The following PAK4 variants were observed in gnomAD, a reference collection of about 807,000 sequenced individuals.
PAK4 encodes serine/threonine-protein kinase PAK 4.
Under a neutral mutation model 53.5 loss-of-function variants are expected in PAK4, and 49 were observed. That is an observed-to-expected ratio of 0.92 (90% confidence interval 0.73 to 1.16). The LOEUF is 1.16. PAK4 is among the 50% of genes most tolerant of loss of function. The pLI is 0.00. For missense variants in PAK4, 824 were observed against 850.7 expected, an observed-to-expected ratio of 0.97 and a Z score of 0.39; for synonymous variants, 376 against 375.6, an observed-to-expected ratio of 1.00 and a Z score of -0.01.
intron 8 of PAK4, 29 bp downstream of exon 9, chr19:39,177,838 G>A: frequency 6.3e-7 from 1 of 1,586,536 alleles, no homozygotes; most frequent in Non-Finnish European, 8.6e-7. Flanking sequence ...GGGAAACTGT[G>A]CGCCAGCTGG....
At chr19:39,164,502 C>T (rs2144787888) in intron 1 of PAK4, among the ~76,000 whole-genome samples, 1 of 152,104 alleles carries the variant, frequency 6.6e-6, no homozygotes, top group South Asian at 2.1e-4. Context: ...GAGGTGGAAC[C>T]ATGTCTAGGA....
intron 1 of PAK4, among the ~76,000 whole-genome samples, chr19:39,154,995 T>G (rs2074153664): frequency 6.6e-6 from 1 of 152,160 alleles, no homozygotes; most frequent in Non-Finnish European, 1.5e-5. Context: ...CAGCCCACGT[T>G]CTGTGTGTGG....
intron 1 of PAK4, among the ~76,000 whole-genome samples, chr19:39,130,633 A>G (rs2082417): frequency 0.064 from 9,696 of 152,040 alleles, 704 homozygotes; most frequent in East Asian, 0.37. Context: ...TGCTCTGCAA[A>G]GAGCAGTTAA....
At chr19:39,165,556 T>TA (rs761595959) in intron 1 of PAK4, among the ~76,000 whole-genome samples, 1 of 124,000 alleles carries the variant, frequency 8.1e-6, no homozygotes, top group Non-Finnish European at 1.7e-5. Context: ...ATAAATAAAA[T>TA]AATAATAGAC....
chr19:39,133,704 C>T lies in PAK4; in HGVS notation c.-23+7785C>T, dbSNP rs147886743. Reference sequence around the variant, plus strand: ...GGGAGCACCGGGTGGGCAGGGTCCTCACCTAGAGAGCTCCCCGTCCCAGAC... The same window carrying T: ...GGGAGCACCGGGTGGGCAGGGTCCTTACCTAGAGAGCTCCCCGTCCCAGAC... On this transcript the variant is annotated intron_variant, in intron 1 of 8. Coordinates refer to ENST00000358301, the Ensembl canonical transcript of PAK4. Among the ~76,000 whole-genome samples the T allele has an allele frequency of 3.8e-3, 585 of 152,312 alleles. 1 individual carries two copies. The highest frequency in any genetic ancestry group is 0.01 in the Admixed American group (160 of 15,302).
intron 1 of PAK4, among the ~76,000 whole-genome samples, chr19:39,164,812 G>T (rs12972566): frequency 0.3 from 46,259 of 152,014 alleles, 7,508 homozygotes; most frequent in Middle Eastern, 0.39. Flanking sequence ...CCACTCCACC[G>T]TGGTTGAGGG....
At chr19:39,171,517 A>G (rs1049103147) in intron 2 of PAK4, among the ~76,000 whole-genome samples, 3 of 152,142 alleles carry the variant, frequency 2.0e-5, no homozygotes, top group Non-Finnish European at 4.4e-5. Context: ...GCCCTGTTCT[A>G]ACAGCAAAGT....
chr19:39,155,568 T>C (rs1419567774), intron 1 of PAK4, among the ~76,000 whole-genome samples: 2 of 152,142 alleles, frequency 1.3e-5, no homozygotes, highest in Non-Finnish European at 2.9e-5. Context: ...GGAGAAACAG[T>C]TACACCTGCG....
intron 4 of PAK4, 54 bp from the exon 6 acceptor site, chr19:39,174,877 C>T (rs2074569260): frequency 6.2e-7 from 1 of 1,608,602 alleles, no homozygotes; most frequent in African/African-American, 1.3e-5. Context: ...GTGGCTGGGT[C>T]TGGCACTGGC....
chr19:39,173,382 C>T lies in PAK4; in HGVS notation c.663+6C>T, dbSNP rs1219089222. On this transcript the variant is annotated splice_donor_region_variant and intron_variant, in intron 3 of 8. Transcript: ENST00000358301. The surrounding 1 kb of genome is among the most constrained non-coding windows in gnomAD (Gnocchi z 6.9). ...ACCCATCCCGGGGTGCCCAGGTAAC[C>T]CATCCCCCGCCCCAGGGCCCCCACT... 6.6e-7 allele frequency: 1 copy of T among 1,515,084 alleles called. No homozygotes were observed. The highest frequency in any genetic ancestry group is 2.3e-5 in the East Asian group (1 of 43,548). The allele number at this position is 1,515,084 out of a possible 1,614,324, so 93.9% of individuals were successfully genotyped here.
intron 1 of PAK4, among the ~76,000 whole-genome samples, chr19:39,154,875 G>A (rs2074151137): frequency 6.6e-6 from 1 of 152,148 alleles, no homozygotes; most frequent in Non-Finnish European, 1.5e-5. Context: ...CTGCCCTGCT[G>A]TGGTCCAGAG....
rs1306653669 is a variant in PAK4, at chr19:39,178,267, C to T, written c.1621-157C>T. Among the ~76,000 whole-genome samples the T allele has an allele frequency of 2.0e-5, 3 of 152,086 alleles. No individual in the cohort carries two copies. Among genetic ancestry groups the T allele is most frequent in the South Asian group, 2.1e-4 (1 of 4,832 alleles). On this transcript the variant is annotated intron_variant, in intron 8 of 8. Coordinates refer to ENST00000358301, the Ensembl canonical transcript of PAK4. The surrounding 1 kb of genome is among the most constrained non-coding windows in gnomAD (Gnocchi z 4.4). Reference sequence around the variant, plus strand: ...ACAGGTGCCATCACTGTCCCTGTCCCGTCTACACCCCAAGATCTAGACACC... The same window carrying T: ...ACAGGTGCCATCACTGTCCCTGTCCTGTCTACACCCCAAGATCTAGACACC...
chr19:39,141,245 A>G (rs1024908615), intron 1 of PAK4, among the ~76,000 whole-genome samples: 9 of 151,988 alleles, frequency 5.9e-5, no homozygotes, highest in African/African-American at 1.9e-4. Context: ...AACGTCGTAC[A>G]GCCAGAAATA....
intron 1 of PAK4, among the ~76,000 whole-genome samples, chr19:39,150,706 G>A (rs376314555): frequency 2.6e-5 from 4 of 152,180 alleles, no homozygotes; most frequent in African/African-American, 4.8e-5. Context: ...CCTGGACAAC[G>A]TAGTGAGACC....
chr19:39,128,804 C>T (rs1219342942), intron 1 of PAK4, among the ~76,000 whole-genome samples: 2 of 152,194 alleles, frequency 1.3e-5, no homozygotes, highest in African/African-American at 4.8e-5. Context: ...TTTGACTGCC[C>T]TTGAATGTAT....
In PAK4 at chr19:39,166,537, C is replaced by A. The variant is rs1359522761; in HGVS notation, c.-22-2995C>A. Among the ~76,000 whole-genome samples the A allele has an allele frequency of 3.9e-5, 6 of 152,236 alleles. No individual in the cohort carries two copies. The East Asian group carries it at 1.2e-3, about 29-fold the overall frequency. ...AGGCACAGCGTGGCTGAGTTGCTCA[C>A]CCAGGGCCACATATTGAGGTCCCCA... is the stretch of plus-strand genomic sequence containing the variant. On this transcript the variant is annotated intron_variant, in intron 1 of 8. Transcript: ENST00000358301.
At chr19:39,150,835 C>T (rs1056933741) in intron 1 of PAK4, among the ~76,000 whole-genome samples, 6 of 152,258 alleles carry the variant, frequency 3.9e-5, no homozygotes, top group African/African-American at 9.6e-5. Flanking sequence ...ACACCGTCCC[C>T]GTTCAGGCCT....
At position 39,175,233 on chromosome 19, in the gene PAK4, C is replaced by T. The variant is rs530553558; in HGVS notation, c.1233-79C>T. The T allele has an allele frequency of 1.9e-5, 29 of 1,500,646 alleles. No individual in the cohort carries two copies. The highest frequency in any genetic ancestry group is 1.8e-6 in the Non-Finnish European group (2 of 1,108,184). The allele number at this position is 1,500,646 out of a possible 1,614,324, so 93.0% of individuals were successfully genotyped here. A position where few individuals can be genotyped will look rare whatever the true frequency, so the allele number is the denominator to read the frequency against. On this transcript the variant is annotated intron_variant, in intron 5 of 8. Coordinates refer to ENST00000358301, the Ensembl canonical transcript of PAK4. The surrounding 1 kb of genome is among the most constrained non-coding windows in gnomAD (Gnocchi z 4.7). ...GTCGAGTGGTCTCAGATTCCTCCCA[C>T]TGCAAGGCAGGGCTGCGTCCCCCTC...
At chr19:39,177,872 G>A in intron 8 of PAK4, 63 bp downstream of exon 9, 1 of 1,553,146 alleles carries the variant, frequency 6.4e-7, no homozygotes, top group Non-Finnish European at 8.7e-7. Flanking sequence ...TCCAGGTGGA[G>A]CATGGGGTGT....
Sources: gnomAD v4.1 joint callset for allele counts (sites outside exome capture counted in the v4.1 genomes callset) on GRCh38, gnomAD v4.1.1 for gene constraint, Gnocchi (gnomAD v3.1) non-coding constraint, MANE v1.5 for transcripts, NCBI Gene and HGNC (gene_info 2026-07-23, HGNC 2026-07-21) for gene names.